Variants in DIPK2A observed in about 807,000 individuals in gnomAD.
DIPK2A encodes the protein Golgi Protein of 49 kDa.
In DIPK2A, 27 loss-of-function variants were observed where a neutral mutation model predicts 39.0. That is an observed-to-expected ratio of 0.69 (90% CI 0.51 to 0.96). The LOEUF is 0.96. DIPK2A is among the 40% of genes least tolerant of loss of function. The pLI, the probability that DIPK2A is intolerant of heterozygous loss-of-function variation, is 0.00. For synonymous variants in DIPK2A, 298 were observed against 240.8 expected (o/e 1.24, Z -2.20); for missense variants, 528 against 571.3 (o/e 0.92, Z 0.77).
At chr3:143,986,094 A>C in intron 2 of DIPK2A, 2 of 453,122 alleles carry the variant, frequency 4.4e-6, no homozygotes, top group Non-Finnish European at 7.8e-6. Flanking sequence ...ACGGGACATC[A>C]TAGCTTAGTC....
In DIPK2A at chr3:143,989,698, G is replaced by C. The variant is rs1436623482; in HGVS notation, c.1150G>C (p.Asp384His). ...WRGTSGGLLHDPPSEIAKDGR... is the reference protein window; with the variant it reads ...WRGTSGGLLHHPPSEIAKDGR... ...TGGCACTTCTGGAGGACTCCTTCAT[G>C]ATCCACCAAGTGAAATTGCCAAAGA... Residue 384 changes from aspartate to histidine, a missense_variant, in exon 3 of 3, where the codon GAT (aspartate) becomes CAT (histidine). Transcript: ENST00000315691. The C allele has an allele frequency of 1.2e-6, 2 of 1,614,146 alleles. No homozygotes were observed. Among genetic ancestry groups the C allele is most frequent in the Non-Finnish European group, 1.7e-6 (2 of 1,180,056 alleles).
intron 1 of DIPK2A, among the ~76,000 whole-genome samples, chr3:143,981,505 A>T (rs2087828891): frequency 6.6e-6 from 1 of 152,048 alleles, no homozygotes; most frequent in African/African-American, 2.4e-5. Context: ...TTAATATTAA[A>T]CTCATCCTTT....
intron 1 of DIPK2A, among the ~76,000 whole-genome samples, chr3:143,975,830 C>G (rs1399606142): frequency 6.6e-5 from 10 of 151,848 alleles, no homozygotes; most frequent in African/African-American, 2.4e-4. Context: ...CAAAAATTAA[C>G]AACTTCAGGG....
At chr3:143,975,423 A>G (rs1275610615) in intron 1 of DIPK2A, among the ~76,000 whole-genome samples, 1 of 152,096 alleles carries the variant, frequency 6.6e-6, no homozygotes, top group Non-Finnish European at 1.5e-5. Context: ...AAAGCTAGTG[A>G]ATTTACAAGT....
intron 1 of DIPK2A, among the ~76,000 whole-genome samples, chr3:143,985,080 T>C (rs1255587722): frequency 6.6e-6 from 1 of 152,252 alleles, no homozygotes. Flanking sequence ...CATGGCTAAA[T>C]GGAGACTGTT....
intron 1 of DIPK2A, among the ~76,000 whole-genome samples, chr3:143,977,016 A>G (rs1049653397): frequency 6.6e-6 from 1 of 152,080 alleles, no homozygotes; most frequent in African/African-American, 2.4e-5. Flanking sequence ...TTGAATATCA[A>G]CCATACTTTA....
At chr3:143,979,163 C>T (rs1351470943) in intron 1 of DIPK2A, among the ~76,000 whole-genome samples, 1 of 151,988 alleles carries the variant, frequency 6.6e-6, no homozygotes, top group African/African-American at 2.4e-5. Flanking sequence ...TGCAGACATT[C>T]AAATGTCACT....
In DIPK2A at chr3:143,972,179, C is replaced by T. The variant is rs1273905722; in HGVS notation, c.-154C>T. 11 of 573,718 alleles carry T rather than the reference C, an allele frequency of 1.9e-5. No homozygotes were observed. The East Asian group carries it at 3.8e-4, about 20-fold the overall frequency. 35.5% of individuals were successfully genotyped at this position (573,718 alleles called of 1,614,324 possible). On this transcript the variant is annotated 5_prime_UTR_variant, in exon 1 of 3. Transcript: ENST00000315691. ...AGGCCCGCGCCTTCCCGCTCCCCGTCTTCCTCTCTCACACACCTACTCCGC... is the reference window on the plus strand; with the variant it reads ...AGGCCCGCGCCTTCCCGCTCCCCGTTTTCCTCTCTCACACACCTACTCCGC...
chr3:143,981,025 A>G (rs1239777587), intron 1 of DIPK2A, among the ~76,000 whole-genome samples: 1 of 152,262 alleles, frequency 6.6e-6, no homozygotes, highest in Non-Finnish European at 1.5e-5. Flanking sequence ...TAAATAAACA[A>G]TACCAAAATG....
chr3:143,983,478 A>T (rs2087854941), intron 1 of DIPK2A, among the ~76,000 whole-genome samples: 2 of 152,260 alleles, frequency 1.3e-5, no homozygotes, highest in East Asian at 1.9e-4. Context: ...GATAAAATTA[A>T]GGCAGAAGTA....
intron 1 of DIPK2A, among the ~76,000 whole-genome samples, chr3:143,981,160 C>T (rs926582860): frequency 2.6e-5 from 4 of 152,062 alleles, no homozygotes; most frequent in African/African-American, 9.7e-5. Context: ...AAAGGGTTAT[C>T]GTGATATTTT....
At chr3:143,985,031 A>G (rs1559856250) in intron 1 of DIPK2A, among the ~76,000 whole-genome samples, 1 of 152,170 alleles carries the variant, frequency 6.6e-6, no homozygotes, top group African/African-American at 2.4e-5. Flanking sequence ...ATTCATAATT[A>G]TTTGTTTGGT....
intron 1 of DIPK2A, among the ~76,000 whole-genome samples, chr3:143,977,412 GCT>G (rs1348381226): frequency 6.6e-6 from 1 of 151,950 alleles, no homozygotes; most frequent in Non-Finnish European, 1.5e-5. Flanking sequence ...GGAGTGGGAT[GCT>G]CTCTTTCAAG....
In DIPK2A at chr3:143,972,233, T is replaced by A. The variant is rs573235623; in HGVS notation, c.-100T>A. 24 of 1,154,528 alleles carry A rather than the reference T, an allele frequency of 2.1e-5. No homozygotes were observed. In the African/African-American group the frequency reaches 3.4e-4, roughly 16 times the overall value. The allele number at this position is 1,154,528 out of a possible 1,614,324, so 71.5% of individuals were successfully genotyped here. A position where few individuals can be genotyped will look rare whatever the true frequency, so the allele number is the denominator to read the frequency against. ...CCGCCCCAGCCCGCGCGCTAGCTCCTTCTCTCGCCCGGGGTTCCTGCCGGT... is the reference window on the plus strand; with the variant it reads ...CCGCCCCAGCCCGCGCGCTAGCTCCATCTCTCGCCCGGGGTTCCTGCCGGT... On this transcript the variant is annotated 5_prime_UTR_variant, in exon 1 of 3. Transcript: ENST00000315691.
In DIPK2A at chr3:143,972,468, G is replaced by C. The variant is rs746304279; in HGVS notation, c.136G>C (p.Asp46His). ...LASWQRNELT[D>H]RRFLQLNKCP... ...CTCTTGGCAGCGCAACGAACTGACC[G>C]ACCGGCGCTTCCTGCAGCTCAATAA... The change falls in exon 1 of 3, where the codon GAC (aspartate) becomes CAC (histidine). Residue 46 changes from aspartate (D) to histidine (H), a missense_variant. Asp to His is a moderately conservative substitution (Grantham distance 81, BLOSUM62 -1). Around this residue, in one of 2 missense-constraint regions of DIPK2A, gnomAD observed 309 missense variants for 289.8 expected, o/e 1.07. Transcript: ENST00000315691. 6.2e-7 allele frequency: 1 copy of C among 1,604,710 alleles called. No individual in the cohort carries two copies. The highest frequency in any genetic ancestry group is 8.5e-7 in the Non-Finnish European group (1 of 1,174,820).
In DIPK2A at chr3:143,972,096, G is replaced by A. The variant is rs929886159; in HGVS notation, c.-237G>A. 3.6e-5 allele frequency: 14 copies of A among 391,262 alleles called. No homozygotes were observed. The highest frequency in any genetic ancestry group is 4.9e-5 in the Non-Finnish European group (11 of 222,334). 24.2% of individuals were successfully genotyped at this position (391,262 alleles called of 1,614,324 possible). A position where few individuals can be genotyped will look rare whatever the true frequency, so the allele number is the denominator to read the frequency against. ...GCCGGAGTCGGAGGGCGGGGAGCTA[G>A]GAGGAGGGAGCTCGAGAGTTGTGGA... is the stretch of plus-strand genomic sequence containing the variant. On this transcript the variant is annotated 5_prime_UTR_variant, in exon 1 of 3. Coordinates refer to ENST00000315691, the MANE Select transcript of DIPK2A (RefSeq NM_173552.5).
chr3:143,973,233 T>C, intron 1 of DIPK2A: 4 of 1,126,568 alleles, frequency 3.6e-6, no homozygotes, highest in Non-Finnish European at 5.2e-6. Flanking sequence ...GATTTGACTG[T>C]GGATCTTTCA....
At chr3:143,975,970 A>T (rs1209927461) in intron 1 of DIPK2A, among the ~76,000 whole-genome samples, 1 of 152,106 alleles carries the variant, frequency 6.6e-6, no homozygotes, top group Non-Finnish European at 1.5e-5. Context: ...AATACTTACG[A>T]ATTTAATCCA....
intron 2 of DIPK2A, among the ~76,000 whole-genome samples, chr3:143,987,778 GTATT>G (rs544854513): frequency 1.2e-3 from 180 of 152,168 alleles, no homozygotes; most frequent in African/African-American, 4.2e-3. Flanking sequence ...GTTTTTAAAA[GTATT>G]TATTGCCTTT....
Sources: allele counts gnomAD v4.1 joint callset (sites outside exome capture counted in the v4.1 genomes callset), GRCh38; gene constraint gnomAD v4.1.1; regional missense constraint gnomAD v4.1.1; transcripts MANE v1.5; gene names NCBI Gene and HGNC (gene_info 2026-07-23, HGNC 2026-07-21).